The following BSND variants were observed in gnomAD, a reference collection of about 807,000 sequenced individuals.
BSND encodes the protein barttin CLCNK type accessory subunit beta, also known as barttin.
BSND carries 13 observed loss-of-function variants against 18.8 expected under a neutral mutation model. That is an observed-to-expected ratio of 0.69 (90% CI 0.45 to 1.10). The LOEUF is 1.10. Among genes scored for constraint, BSND ranks in the 50% least tolerant of loss-of-function variants. The pLI is 0.00. For missense variants in BSND, 379 were observed against 416.7 expected (o/e 0.91, Z 0.79); for synonymous variants, 170 against 161.8 (o/e 1.05, Z -0.39).
chr1:54,999,053 G>C lies in BSND; in HGVS notation c.-134G>C. The C allele has an allele frequency of 2.8e-6, 3 of 1,082,218 alleles. No homozygotes were observed. Among genetic ancestry groups the C allele is most frequent in the Middle Eastern group, 2.3e-4 (1 of 4,358 alleles). The allele number at this position is 1,082,218 out of a possible 1,614,324, so 67.0% of individuals were successfully genotyped here. The stretch of plus-strand genomic sequence containing the variant: ...CTGGAGCGGGATTGAAAGGGATCTT[G>C]CTCTCCCTTGAAGCCTTGAGTTGCA... On this transcript the variant is annotated 5_prime_UTR_variant, in exon 1 of 4. Transcript: ENST00000651561.
chr1:55,011,753 T>A lies in BSND; in HGVS notation c.*3125T>A, dbSNP rs1644423586. ...TGACTGGGTGTCTTCTTCAACCTTA[T>A]CTAGGATAAAATAAAATCATAAAAC... On this transcript the variant is annotated 3_prime_UTR_variant, in exon 4 of 4. Transcript: ENST00000651561. The A allele has an allele frequency of 6.6e-6, 1 of 152,198 alleles. No individual in the cohort carries two copies. The highest frequency in any genetic ancestry group is 2.1e-4 in the South Asian group (1 of 4,826). The allele number at this position is 152,198 out of a possible 1,614,324, so 9.4% of individuals were successfully genotyped here.
chr1:55,013,235 C>A lies in BSND; in HGVS notation c.*4607C>A, dbSNP rs913489437. On this transcript the variant is annotated 3_prime_UTR_variant, in exon 4 of 4. Coordinates refer to ENST00000651561, the MANE Select transcript of BSND (RefSeq NM_057176.3). ...CTAGAGTGCAATGGCGCAATCTCAG[C>A]TTGCTGCAACCTCCACCTCCCGGGT... Among the ~76,000 whole-genome samples, 33 of 152,152 alleles carry A rather than the reference C, an allele frequency of 2.2e-4. No homozygotes were observed. Among genetic ancestry groups the A allele is most frequent in the African/African-American group, 7.5e-4 (31 of 41,428 alleles).
At chr1:55,008,147 G>A (rs904666101) in intron 3 of BSND, 67 bp from the exon 4 acceptor site, 21 of 1,405,158 alleles carry the variant, frequency 1.5e-5, no homozygotes, top group East Asian at 1.2e-4. Flanking sequence ...GCAGCTAGCG[G>A]CTGGAATGTG....
Position 55,006,983 on chromosome 1 carries a change from C to T in BSND, c.273-14C>T. 6.2e-7 allele frequency: 1 copy of T among 1,613,848 alleles called. No individual in the cohort carries two copies. The highest frequency in any genetic ancestry group is 8.5e-7 in the Non-Finnish European group (1 of 1,180,018). ...TGACTCTTTGCCGCCTGCCTGTTCT[C>T]TCTCCCACTCCAGCCCCAGTCCCCA... On this transcript the variant is annotated splice_polypyrimidine_tract_variant and intron_variant, in intron 2 of 3. Transcript: ENST00000651561.
intron 1 of BSND, 123 bp downstream of exon 1, chr1:54,999,486 T>A: frequency 1.9e-6 from 2 of 1,029,784 alleles, no homozygotes; most frequent in Non-Finnish European, 2.7e-6. Flanking sequence ...TCATTTTGAC[T>A]CGGTCTTCTC....
chr1:55,008,666 G>C lies in BSND; in HGVS notation c.*38G>C. ...CCGTAGCTTCTAGTCTGGAACTGCTGCTGACCCCTGTGTGACATCACAGGG... is the reference window on the plus strand; with the variant it reads ...CCGTAGCTTCTAGTCTGGAACTGCTCCTGACCCCTGTGTGACATCACAGGG... On this transcript the variant is annotated 3_prime_UTR_variant, in exon 4 of 4. Coordinates refer to ENST00000651561, the MANE Select transcript of BSND (RefSeq NM_057176.3). The C allele has an allele frequency of 3.1e-6, 5 of 1,613,784 alleles. No homozygotes were observed. Among genetic ancestry groups the C allele is most frequent in the South Asian group, 1.1e-5 (1 of 91,070 alleles).
At chr1:55,007,307 C>G in intron 3 of BSND, 35 bp downstream of exon 3, 1 of 1,565,032 alleles carries the variant, frequency 6.4e-7, no homozygotes, top group East Asian at 2.3e-5. Context: ...GGGCTTCTGC[C>G]CAGTTCAAGG....
rs2149040 is a variant in BSND at position 55,014,688 on chromosome 1, G to A, written c.*6060G>A. 0.05 allele frequency among the ~76,000 whole-genome samples: 7,668 copies of A among 152,240 alleles called. 274 individuals are homozygous for A. Among genetic ancestry groups the A allele is most frequent in the Non-Finnish European group, 0.075 (5,107 of 67,996 alleles). On this transcript the variant is annotated 3_prime_UTR_variant, in exon 4 of 4. Transcript: ENST00000651561. ...GGGCTGGTGGCATCAGACTCTCCTG[G>A]GAAACTTTAAAAATCTAGTGTCCTA...
In BSND at chr1:55,010,313, T is replaced by G. The variant is rs1313770232; in HGVS notation, c.*1685T>G. 1 of 152,238 alleles carries G rather than the reference T, an allele frequency of 6.6e-6. No individual in the cohort carries two copies. Among genetic ancestry groups the G allele is most frequent in the African/African-American group, 2.4e-5 (1 of 41,434 alleles). The allele number at this position is 152,238 out of a possible 1,614,324, so 9.4% of individuals were successfully genotyped here. A position where few individuals can be genotyped will look rare whatever the true frequency, so the allele number is the denominator to read the frequency against. ...TATGGTGGGGAAATAGCTCAAGCTG[T>G]CTTTGCAGCCCCTGAAGACATCACT... On this transcript the variant is annotated 3_prime_UTR_variant, in exon 4 of 4. Transcript: ENST00000651561.
chr1:55,002,359 G>T (rs1216265452), intron 1 of BSND, among the ~76,000 whole-genome samples: 1 of 152,232 alleles, frequency 6.6e-6, no homozygotes, highest in Non-Finnish European at 1.5e-5. Flanking sequence ...TGAAGATGGG[G>T]CAGGGGAGCT....
chr1:55,008,362 T>C lies in BSND; in HGVS notation c.697T>C (p.Cys233Arg), dbSNP rs1311127811. The C allele has an allele frequency of 1.2e-6, 2 of 1,614,214 alleles. No homozygotes were observed. Among genetic ancestry groups the C allele is most frequent in the Non-Finnish European group, 1.7e-6 (2 of 1,180,036 alleles). Residue 233 changes from cysteine (C) to arginine (R), a missense_variant, in exon 4 of 4, where the codon TGC (cysteine) becomes CGC (arginine). Transcript: ENST00000651561. ...ACAACAGGAACCTCAGGGCTGCAGG[T>C]GCCCGCTGGACCGCTTCCAAGACTT... is the stretch of plus-strand genomic sequence containing the variant. ...SPQQEPQGCR[C>R]PLDRFQDFAL...
At chr1:55,005,356 C>T (rs775571069) in intron 2 of BSND, among the ~76,000 whole-genome samples, 7 of 152,148 alleles carry the variant, frequency 4.6e-5, no homozygotes, top group South Asian at 2.1e-4. Flanking sequence ...GACAGTGTTT[C>T]GGTGAATACA....
intron 2 of BSND, 55 bp from the exon 3 acceptor site, chr1:55,006,942 A>G (rs1321368399): frequency 1.9e-6 from 3 of 1,611,654 alleles, no homozygotes; most frequent in Non-Finnish European, 2.5e-6. Context: ...CGGGGAGAAC[A>G]CTGGTGTTTG....
chr1:55,013,369 G>T lies in BSND; in HGVS notation c.*4741G>T, dbSNP rs1443384422. ...ATAGAGATGAGGTTTCATCATGTTG[G>T]CCAGGCTGGTCTTGTACCCCTGACC... is the stretch of plus-strand genomic sequence containing the variant. On this transcript the variant is annotated 3_prime_UTR_variant, in exon 4 of 4. Coordinates refer to ENST00000651561, the MANE Select transcript of BSND (RefSeq NM_057176.3). Among the ~76,000 whole-genome samples the T allele has an allele frequency of 6.6e-6, 1 of 152,030 alleles. No individual in the cohort carries two copies. Among genetic ancestry groups the T allele is most frequent in the Non-Finnish European group, 1.5e-5 (1 of 67,986 alleles).
chr1:54,999,344 T>C lies in BSND; in HGVS notation c.158T>C (p.Met53Thr), dbSNP rs1360519920. 6.2e-7 allele frequency: 1 copy of C among 1,611,554 alleles called. No homozygotes were observed. Among genetic ancestry groups the C allele is most frequent in the Middle Eastern group, 1.7e-4 (1 of 6,042 alleles). Residue 53 changes from methionine (M) to threonine (T), a missense_variant, in exon 1 of 4, where the codon ATG (methionine) becomes ACG (threonine). By Grantham distance (81) the Met-to-Thr change is moderately conservative (BLOSUM62 -1). Transcript: ENST00000651561. ...GTGATCGGGGGCATCATCTGGAGCA[T>C]GTGCCAGTGCTACCCCAAGGTAGGT... ...VMVIGGIIWS[M>T]CQCYPKITFV...
Position 55,015,094 on chromosome 1 carries a change from T to C in BSND, c.*6466T>C, listed in dbSNP as rs1644443147. Among the ~76,000 whole-genome samples, 1 of 152,208 alleles carries C rather than the reference T, an allele frequency of 6.6e-6. No homozygotes were observed. The highest frequency in any genetic ancestry group is 6.5e-5 in the Admixed American group (1 of 15,290). ...GGCAAGGGGGATTAATTGATGATTC[T>C]TGAGCAGAGGAGTGACATGAAAGAA... On this transcript the variant is annotated 3_prime_UTR_variant, in exon 4 of 4. Transcript: ENST00000651561.
rs567238039 is a variant in BSND at position 54,999,277 on chromosome 1, C to G, written c.91C>G (p.Pro31Ala). Reference sequence around the variant, plus strand: ...TACGTTCCTCATGAGCCATGATCGGCCCCAGGTCTACGGCACCTTCTATGC... The same window carrying G: ...TACGTTCCTCATGAGCCATGATCGGGCCCAGGTCTACGGCACCTTCTATGC... ...LGTFLMSHDRPQVYGTFYAMG... is the reference protein window; with the variant it reads ...LGTFLMSHDRAQVYGTFYAMG... The change falls in exon 1 of 4, where the codon CCC becomes GCC. Residue 31 changes from proline (P) to alanine (A), a missense_variant. By Grantham distance (27) the Pro-to-Ala change is conservative. Coordinates refer to ENST00000651561, the MANE Select transcript of BSND (RefSeq NM_057176.3). The G allele has an allele frequency of 5.6e-6, 9 of 1,614,122 alleles. No individual in the cohort carries two copies. The South Asian group carries it at 9.9e-5, about 18-fold the overall frequency.
At chr1:55,006,082 T>G (rs1171136890) in intron 2 of BSND, among the ~76,000 whole-genome samples, 1 of 152,032 alleles carries the variant, frequency 6.6e-6, no homozygotes, top group Non-Finnish European at 1.5e-5. Flanking sequence ...AAGCCCAGAG[T>G]CTGTCGGCTG....
chr1:54,999,225 G>C lies in BSND; in HGVS notation c.39G>C (p.Val13=). 6.2e-7 allele frequency: 1 copy of C among 1,614,178 alleles called. No homozygotes were observed. The highest frequency in any genetic ancestry group is 8.5e-7 in the Non-Finnish European group (1 of 1,180,028). Residue 13 remains valine (V), a synonymous_variant, in exon 1 of 4, where the codon GTG becomes GTC. Coordinates refer to ENST00000651561, the MANE Select transcript of BSND (RefSeq NM_057176.3). ...DEKTFRIGFI[V]LGLFLLALGT... The stretch of plus-strand genomic sequence containing the variant: ...AGACCTTCCGGATCGGCTTCATTGT[G>C]CTGGGGCTTTTCCTGCTGGCCCTCG...
Sources: gnomAD v4.1 joint callset for allele counts (sites outside exome capture counted in the v4.1 genomes callset) on GRCh38, gnomAD v4.1.1 for gene constraint, MANE v1.5 for transcripts, NCBI Gene and HGNC (gene_info 2026-07-23, HGNC 2026-07-21) for gene names.